The following GPC4 variants were observed in gnomAD, a reference collection of about 807,000 sequenced individuals.
GPC4 encodes the protein glypican 4.
GPC4 carries 10 observed loss-of-function variants against 35.0 expected under a neutral mutation model. The ratio of observed to expected loss-of-function variants is 0.29; its 90% confidence interval spans 0.18 to 0.48. The LOEUF is 0.48. Ranked by LOEUF, GPC4 falls within the 20% of genes least tolerant of loss-of-function variation. The pLI is 0.99. For missense variants in GPC4, 322 were observed against 451.3 expected (o/e 0.71, Z 2.60); for synonymous variants, 167 against 170.2 (o/e 0.98, Z 0.15).
intron 1 of GPC4, among the ~76,000 whole-genome samples, chrX:133,393,460 A>G (rs2068728997): frequency 9.2e-6 from 1 of 108,999 alleles, no homozygotes; most frequent in Non-Finnish European, 1.9e-5. Flanking sequence ...GCCAGAACTA[A>G]GAAAAAGGGT....
intron 2 of GPC4, among the ~76,000 whole-genome samples, chrX:133,328,030 T>C (rs775137552): frequency 7.5e-4 from 83 of 111,054 alleles, no homozygotes; most frequent in Admixed American, 2.5e-3. Context: ...CAGACCATAA[T>C]GAAAATTTCT....
At position 133,415,236 on chromosome X, in the gene GPC4, G is replaced by A. The variant is rs1037294086; in HGVS notation, c.-271C>T. The A allele has an allele frequency of 2.6e-5, 8 of 310,377 alleles. No homozygotes were observed. The highest frequency in any genetic ancestry group is 2.3e-4 in the Admixed American group (4 of 17,589). The allele number at this position is 310,377 out of a possible 1,213,427, so 25.6% of individuals were successfully genotyped here. On this transcript the variant is annotated 5_prime_UTR_variant, in exon 1 of 9. Coordinates refer to ENST00000370828, the MANE Select transcript of GPC4 (RefSeq NM_001448.3). ...GCGCGCGGCCCAGGGAAGCAGAGGCGCGGGCTGGTGACCTCGGGGTTTCGC... is the reference window on the plus strand; with the variant it reads ...GCGCGCGGCCCAGGGAAGCAGAGGCACGGGCTGGTGACCTCGGGGTTTCGC...
rs746643543 is a variant in GPC4, at chrX:133,340,705, T to G, written c.161-1364A>C. On this transcript the variant is annotated intron_variant, in intron 1 of 8. Coordinates refer to ENST00000370828, the MANE Select transcript of GPC4 (RefSeq NM_001448.3). ...AAGCAGCTTTAGGGTAGCAGGGTATTTCAGATAAAATTGAGCTGGCAATTT... is the reference window on the plus strand; with the variant it reads ...AAGCAGCTTTAGGGTAGCAGGGTATGTCAGATAAAATTGAGCTGGCAATTT... Among the ~76,000 whole-genome samples the G allele has an allele frequency of 1.5e-4, 17 of 112,233 alleles. No individual in the cohort carries two copies. In the South Asian group the frequency reaches 5.2e-3, roughly 35 times the overall value.
In GPC4 at chrX:133,396,439, A is replaced by G. The variant is rs1343292231; in HGVS notation, c.160+18367T>C. ...CAAAGCATTGGCATAACACTCATGC[A>G]TATAACATGATTCAAAGACATTTCT... On this transcript the variant is annotated intron_variant, in intron 1 of 8. Transcript: ENST00000370828. Among the ~76,000 whole-genome samples the G allele has an allele frequency of 6.2e-5, 7 of 112,276 alleles. No individual in the cohort carries two copies. In the East Asian group the frequency reaches 2.0e-3, roughly 32 times the overall value.
chrX:133,342,103 C>T (rs2068470045), intron 1 of GPC4, among the ~76,000 whole-genome samples: 1 of 96,761 alleles, frequency 1.0e-5, no homozygotes, highest in African/African-American at 3.9e-5. Context: ...GTGTCGTGAT[C>T]TCGGCTCAAT....
intron 1 of GPC4, among the ~76,000 whole-genome samples, chrX:133,400,373 G>A (rs2068763439): frequency 8.9e-6 from 1 of 112,533 alleles, no homozygotes; most frequent in African/African-American, 3.2e-5. Context: ...GCTTTGCCCT[G>A]ATTGCCATTC....
chrX:133,375,737 G>A lies in GPC4; in HGVS notation c.161-36396C>T, dbSNP rs151289797. 7.5e-3 allele frequency among the ~76,000 whole-genome samples: 832 copies of A among 111,490 alleles called. 4 individuals carry two copies. The highest frequency in any genetic ancestry group is 0.028 in the Middle Eastern group (6 of 214). ...TTTTCTTTTTTTAAGAATGACAAAT[G>A]CTAACCCAGGAAAGCATGTGGTGCC... On this transcript the variant is annotated intron_variant, in intron 1 of 8. Transcript: ENST00000370828.
intron 1 of GPC4, among the ~76,000 whole-genome samples, chrX:133,354,102 C>T (rs2068529029): frequency 8.9e-6 from 1 of 112,022 alleles, no homozygotes; most frequent in Admixed American, 9.5e-5. Context: ...GAGTAAGTTA[C>T]TTTAATATAC....
chrX:133,343,934 C>T (rs1211244780), intron 1 of GPC4, among the ~76,000 whole-genome samples: 9 of 109,949 alleles, frequency 8.2e-5, no homozygotes. Context: ...TCTATTCCAT[C>T]ATTTAACAGC....
At chrX:133,311,131 G>C (rs1471349723) in intron 4 of GPC4, 127 bp downstream of exon 4, 2 of 640,510 alleles carry the variant, frequency 3.1e-6, no homozygotes, top group African/African-American at 4.4e-5. Context: ...AGCGTAGTCA[G>C]GATTCTGACA....
intron 3 of GPC4, among the ~76,000 whole-genome samples, chrX:133,323,636 C>A (rs1362050539): frequency 8.9e-6 from 1 of 112,297 alleles, no homozygotes; most frequent in Non-Finnish European, 1.9e-5. Context: ...GCAGTGTAGT[C>A]CACACTAATT....
intron 1 of GPC4, among the ~76,000 whole-genome samples, chrX:133,361,259 C>T (rs1395175430): frequency 8.9e-6 from 1 of 111,871 alleles, no homozygotes. Flanking sequence ...CATTTTTCTT[C>T]TACCTGAGTG....
intron 1 of GPC4, among the ~76,000 whole-genome samples, chrX:133,362,087 G>A (rs759545210): frequency 9.1e-6 from 1 of 109,296 alleles, no homozygotes; most frequent in Admixed American, 9.8e-5. Context: ...GGTGGGGTGC[G>A]CCTGTGGTCT....
In GPC4 at chrX:133,347,248, G is replaced by GTTTTTTTTTTTTTTTTTT. The variant is rs763800349; in HGVS notation, c.161-7925_161-7908dup. 1.2e-4 allele frequency among the ~76,000 whole-genome samples: 3 copies of GTTTTTTTTTTTTTTTTTT among 25,415 alleles called. 1 individual carries two copies. The highest frequency in any genetic ancestry group is 4.2e-4 in the African/African-American group (3 of 7,183). 22.1% of individuals were successfully genotyped at this position (25,415 alleles called of 115,157 possible). A position where few individuals can be genotyped will look rare whatever the true frequency, so the allele number is the denominator to read the frequency against. On this transcript the variant is annotated intron_variant, in intron 1 of 8. Coordinates refer to ENST00000370828, the MANE Select transcript of GPC4 (RefSeq NM_001448.3). ...TAAATCTAAAACTCTTCTATTAGAA[G>GTTTTTTTTTTTTTTTTTT]TTTTTTTTTTTTTTTTTTTTTTTTT...
At chrX:133,309,128 A>G (rs1016925605) in intron 4 of GPC4, among the ~76,000 whole-genome samples, 15 of 111,906 alleles carry the variant, frequency 1.3e-4, no homozygotes, top group African/African-American at 4.9e-4. Flanking sequence ...GGAGATTAAC[A>G]ATGTCTATTA....
intron 7 of GPC4, among the ~76,000 whole-genome samples, chrX:133,304,150 A>AG (rs1417841952): frequency 9.2e-6 from 1 of 108,685 alleles, no homozygotes; most frequent in African/African-American, 3.4e-5. Flanking sequence ...AAAAAAAAAA[A>AG]TTAGCCAGGC....
At position 133,368,316 on chromosome X, in the gene GPC4, G is replaced by A. The variant is rs1955610623; in HGVS notation, c.161-28975C>T. 2.7e-5 allele frequency among the ~76,000 whole-genome samples: 3 copies of A among 111,283 alleles called. No individual in the cohort carries two copies. In the South Asian group the frequency reaches 1.1e-3, roughly 42 times the overall value. ...GTTTTACTTTAATTTCAATTATGTG[G>A]ATAGCCAACCTAGGCCCAAGACACC... On this transcript the variant is annotated intron_variant, in intron 1 of 8. Coordinates refer to ENST00000370828, the MANE Select transcript of GPC4 (RefSeq NM_001448.3).
At position 133,303,311 on chromosome X, in the gene GPC4, T is replaced by C; in HGVS notation, c.1323A>G (p.Leu441=). The change falls in exon 8 of 9, where the codon TTA becomes TTG. Residue 441 remains leucine, a synonymous_variant. Transcript: ENST00000370828. The stretch of plus-strand genomic sequence containing the variant: ...CCTCTGGGTTGTTGCCCTGGTTGGC[T>C]AATCCATTTCCTGTCACTGCAAACA... ...RYLFAVTGNG[L]ANQGNNPEVQ... The C allele has an allele frequency of 8.3e-7, 1 of 1,210,439 alleles. No homozygotes were observed. Among genetic ancestry groups the C allele is most frequent in the Non-Finnish European group, 1.1e-6 (1 of 894,700 alleles).
At chrX:133,413,362 C>T (rs147928649) in intron 1 of GPC4, among the ~76,000 whole-genome samples, 1,717 of 112,012 alleles carry the variant, frequency 0.015, 43 homozygotes, top group African/African-American at 0.053. Context: ...AGACAGACGC[C>T]AGTTACACTC....
Sources: allele counts gnomAD v4.1 joint callset (sites outside exome capture counted in the v4.1 genomes callset), GRCh38; gene constraint gnomAD v4.1.1; transcripts MANE v1.5; gene names NCBI Gene and HGNC (gene_info 2026-07-23, HGNC 2026-07-21).